OPCML: variants seen among roughly 807,000 people sequenced by gnomAD.
OPCML encodes opioid-binding protein/cell adhesion molecule.
A neutral mutation model predicts 37.8 loss-of-function variants in OPCML; 13 were observed. The observed-to-expected ratio is 0.34, with a 90% CI of 0.22 to 0.55. OPCML has a LOEUF of 0.55. OPCML is among the 20% of genes least tolerant of loss of function. OPCML has a pLI of 0.91. For missense variants in OPCML, 341 were observed against 435.6 expected, an observed-to-expected ratio of 0.78 and a Z score of 1.93; for synonymous variants, 176 against 168.8, an observed-to-expected ratio of 1.04 and a Z score of -0.33.
chr11:133,369,291 AG>A (rs1392452749), intron 1 of OPCML, among the ~76,000 whole-genome samples: 1 of 152,272 alleles, frequency 6.6e-6, no homozygotes, highest in African/African-American at 2.4e-5. Flanking sequence ...AATACAAATG[AG>A]AAAAGTATTA....
At chr11:132,664,377 G>A (rs1293134219) in intron 2 of OPCML, among the ~76,000 whole-genome samples, 2 of 152,008 alleles carry the variant, frequency 1.3e-5, no homozygotes, top group Non-Finnish European at 2.9e-5. Context: ...AATGCTGGGT[G>A]GAATTTTAAA....
intron 1 of OPCML, among the ~76,000 whole-genome samples, chr11:133,354,301 G>A (rs1592227109): frequency 0.049 from 560 of 11,414 alleles, no homozygotes; most frequent in Middle Eastern, 0.11. Flanking sequence ...GCTGGTGGTG[G>A]TGACGTGTTG....
chr11:132,566,962 A>G (rs1229602254), intron 3 of OPCML, among the ~76,000 whole-genome samples: 1 of 108,846 alleles, frequency 9.2e-6, no homozygotes, highest in Non-Finnish European at 1.9e-5. Context: ...CAACATCAAC[A>G]TCAGTTAGGT....
chr11:132,572,636 A>C (rs11223133), intron 3 of OPCML, among the ~76,000 whole-genome samples: 4 of 151,864 alleles, frequency 2.6e-5, no homozygotes, highest in Non-Finnish European at 5.9e-5. Context: ...AGTACCATAC[A>C]GTTTTGATTA....
intron 2 of OPCML, among the ~76,000 whole-genome samples, chr11:132,906,230 G>A: frequency 6.6e-6 from 1 of 152,262 alleles, no homozygotes; most frequent in Non-Finnish European, 1.5e-5. Context: ...CTGTGTAGCA[G>A]GCAAGGACCC....
At chr11:133,390,818 G>C (rs78269333) in intron 1 of OPCML, among the ~76,000 whole-genome samples, 1,781 of 152,296 alleles carry the variant, frequency 0.012, 35 homozygotes, top group African/African-American at 0.04. Context: ...TACTTCCTGT[G>C]AGTAAGTCAA....
intron 1 of OPCML, among the ~76,000 whole-genome samples, chr11:133,385,740 C>G (rs1945032626): frequency 6.6e-6 from 1 of 152,104 alleles, no homozygotes; most frequent in Non-Finnish European, 1.5e-5. Context: ...ATCCCAGATG[C>G]TCAAAATGCC....
chr11:133,510,190 C>T (rs1948124571), intron 1 of OPCML, among the ~76,000 whole-genome samples: 1 of 152,172 alleles, frequency 6.6e-6, no homozygotes, highest in Non-Finnish European at 1.5e-5. Context: ...CTGGACCACC[C>T]AGGAGGCCCC....
At chr11:133,217,255 G>T (rs1939623585) in intron 1 of OPCML, among the ~76,000 whole-genome samples, 1 of 152,066 alleles carries the variant, frequency 6.6e-6, no homozygotes, top group South Asian at 2.1e-4. Context: ...ATGCTCCAGT[G>T]CCCCCCAAAA....
intron 3 of OPCML, among the ~76,000 whole-genome samples, chr11:132,636,779 A>C (rs1565732976): frequency 6.6e-6 from 1 of 152,174 alleles, no homozygotes; most frequent in Admixed American, 6.5e-5. Context: ...TAAAGAAGAC[A>C]CTGGGAGGCT....
At chr11:132,623,907 G>A (rs1288490270) in intron 3 of OPCML, among the ~76,000 whole-genome samples, 4 of 152,300 alleles carry the variant, frequency 2.6e-5, no homozygotes, top group South Asian at 2.1e-4. Flanking sequence ...GGGCTTATAC[G>A]TACACTACAC....
chr11:133,488,693 T>A (rs35679530), intron 1 of OPCML, among the ~76,000 whole-genome samples: 53,686 of 151,962 alleles, frequency 0.35, 12,262 homozygotes, highest in African/African-American at 0.65. Flanking sequence ...AAATTACCAA[T>A]GTCATTTTTC....
At chr11:133,391,573 C>G (rs1945174819) in intron 1 of OPCML, among the ~76,000 whole-genome samples, 1 of 152,160 alleles carries the variant, frequency 6.6e-6, no homozygotes, top group Admixed American at 6.5e-5. Context: ...GCCACCATAT[C>G]CCTCCATCAA....
chr11:132,860,399 C>A (rs907433950), intron 2 of OPCML: 1 of 152,158 alleles, frequency 6.6e-6, no homozygotes, highest in African/African-American at 2.4e-5. Context: ...TTAAATGGAA[C>A]AACGTTTGAC....
In OPCML at chr11:133,220,845, G is replaced by A. The variant is rs189699489; in HGVS notation, c.62-277835C>T. On this transcript the variant is annotated intron_variant, in intron 1 of 7. Transcript: ENST00000524381. ...CCCCCGATCTATAGCCCCCGGCTTC[G>A]TTCGAGTCCGTTTGGAGAACTGTTT... Among the ~76,000 whole-genome samples the A allele has an allele frequency of 5.2e-4, 79 of 152,168 alleles. No homozygotes were observed. The South Asian group carries it at 6.9e-3, about 13-fold the overall frequency.
chr11:132,900,764 T>C (rs1161569717), intron 2 of OPCML, among the ~76,000 whole-genome samples: 1 of 152,180 alleles, frequency 6.6e-6, no homozygotes, highest in East Asian at 1.9e-4. Flanking sequence ...ATGTCTACAG[T>C]CAGAGAAGCC....
intron 1 of OPCML, among the ~76,000 whole-genome samples, chr11:133,250,164 T>C (rs1941079846): frequency 6.6e-6 from 1 of 152,236 alleles, no homozygotes; most frequent in African/African-American, 2.4e-5. Context: ...GGGAATATAA[T>C]AAGTATGTTT....
intron 1 of OPCML, among the ~76,000 whole-genome samples, chr11:133,322,157 T>C (rs1943344821): frequency 6.6e-6 from 1 of 152,206 alleles, no homozygotes; most frequent in East Asian, 1.9e-4. Context: ...CTGCAACCTA[T>C]GGTCTTTCTT....
intron 2 of OPCML, among the ~76,000 whole-genome samples, chr11:132,680,979 G>A (rs1193678809): frequency 6.6e-6 from 1 of 152,214 alleles, no homozygotes; most frequent in Non-Finnish European, 1.5e-5. Flanking sequence ...CCATGAAGCT[G>A]CTGAGTAATC....
Sources: gnomAD v4.1 joint callset for allele counts (sites outside exome capture counted in the v4.1 genomes callset) on GRCh38, gnomAD v4.1.1 for gene constraint, MANE v1.5 for transcripts, NCBI Gene and HGNC (gene_info 2026-07-23, HGNC 2026-07-21) for gene names.